The following WIPF2 variants were observed in gnomAD, a reference collection of about 807,000 sequenced individuals.
The protein encoded by WIPF2 is WAS/WASL interacting protein family member 2, also known as WAS/WASL-interacting protein family member 2.
A neutral mutation model predicts 38.8 loss-of-function variants in WIPF2; 23 were observed. That is an observed-to-expected ratio of 0.59 (90% CI 0.43 to 0.84). The LOEUF is 0.84. WIPF2 is among the 40% of genes least tolerant of loss of function. The pLI is 0.00. For missense variants in WIPF2, 574 were observed against 580.5 expected, an observed-to-expected ratio of 0.99 and a Z score of 0.11; for synonymous variants, 210 against 223.2, an observed-to-expected ratio of 0.94 and a Z score of 0.53.
intron 1 of WIPF2, among the ~76,000 whole-genome samples, chr17:40,240,887 G>C (rs2031166010): frequency 6.6e-6 from 1 of 150,406 alleles, no homozygotes. Context: ...GGAGCTTGCA[G>C]TGAGCCGAGA....
chr17:40,255,972 T>G (rs548606358), intron 1 of WIPF2, among the ~76,000 whole-genome samples: 2 of 151,758 alleles, frequency 1.3e-5, no homozygotes, highest in Non-Finnish European at 2.9e-5. Flanking sequence ...TGCATGCTTG[T>G]AGTCCCAGCT....
In WIPF2 at chr17:40,279,301, GGACTTTTAAGTCCT is replaced by G. The variant is rs2032495055; in HGVS notation, c.*1078_*1091del. On this transcript the variant is annotated 3_prime_UTR_variant, in exon 8 of 8. Coordinates refer to ENST00000323571, the MANE Select transcript of WIPF2 (RefSeq NM_133264.5). ...GGAGCTGGCTTTGTGGGGCTGCAAA[GGACTTTTAAGTCCT>G]GCCTGTACTGAAGTTCACAGCCCAC... 6.6e-6 allele frequency: 1 copy of G among 152,612 alleles called. No homozygotes were observed. Among genetic ancestry groups the G allele is most frequent in the South Asian group, 2.1e-4 (1 of 4,830 alleles). The allele number at this position is 152,612 out of a possible 1,614,324, so 9.5% of individuals were successfully genotyped here. A position where few individuals can be genotyped will look rare whatever the true frequency, so the allele number is the denominator to read the frequency against.
At chr17:40,243,317 TA>T (rs993441306) in intron 1 of WIPF2, among the ~76,000 whole-genome samples, 64 of 152,050 alleles carry the variant, frequency 4.2e-4, no homozygotes, top group Admixed American at 2.1e-3. Context: ...TGACTGGCTT[TA>T]AAAAAAATCT....
intron 5 of WIPF2, among the ~76,000 whole-genome samples, chr17:40,271,278 G>C (rs2032242444): frequency 1.3e-5 from 2 of 152,200 alleles, no homozygotes; most frequent in Admixed American, 1.3e-4. Flanking sequence ...GCCTAGCCAA[G>C]ATACCGTTTT....
intron 1 of WIPF2, 122 bp from the exon 2 acceptor site, chr17:40,256,269 C>T: frequency 1.4e-6 from 1 of 718,460 alleles, no homozygotes; most frequent in Non-Finnish European, 2.2e-6. Flanking sequence ...GACTGTATCA[C>T]AGTGGAACTA....
chr17:40,259,436 TAAA>T (rs879789712), intron 2 of WIPF2, among the ~76,000 whole-genome samples: 1 of 132,528 alleles, frequency 7.5e-6, no homozygotes, highest in Non-Finnish European at 1.6e-5. Flanking sequence ...GACTCTGTCT[TAAA>T]AAAAAAAAAA....
chr17:40,238,716 C>G (rs920984441), intron 1 of WIPF2, among the ~76,000 whole-genome samples: 1 of 151,910 alleles, frequency 6.6e-6, no homozygotes, highest in Non-Finnish European at 1.5e-5. Context: ...CGGGTTCAAG[C>G]GATTCTCCTG....
intron 5 of WIPF2, among the ~76,000 whole-genome samples, chr17:40,267,097 G>A (rs4480862): frequency 6.6e-6 from 1 of 152,172 alleles, no homozygotes; most frequent in Non-Finnish European, 1.5e-5. Context: ...GGGTGGACTA[G>A]GGAAGTGTGC....
chr17:40,227,784 C>T lies in WIPF2; in HGVS notation c.-70+8292C>T, dbSNP rs554127812. Among the ~76,000 whole-genome samples the T allele has an allele frequency of 9.2e-5, 14 of 151,848 alleles. No individual in the cohort carries two copies. The South Asian group carries it at 1.9e-3, about 20-fold the overall frequency. On this transcript the variant is annotated intron_variant, in intron 1 of 7. Coordinates refer to ENST00000323571, the MANE Select transcript of WIPF2 (RefSeq NM_133264.5). ...ACAAGAATCACTTGAACCTGGGAGG[C>T]GGAATGGTGAGCTAAAATTGTGCCA...
At position 40,220,571 on chromosome 17, in the gene WIPF2, GTGTATATATATATATATATATATATATA is replaced by G. The variant is rs1305155684; in HGVS notation, c.-70+1081_-70+1108del. On this transcript the variant is annotated intron_variant, in intron 1 of 7. Coordinates refer to ENST00000323571, the MANE Select transcript of WIPF2 (RefSeq NM_133264.5). ...CACTACTCCCGCCTAACGTGTGTGT[GTGTATATATATATATATATATATATATA>G]TATATATATATATATATATGTATAT... is the stretch of plus-strand genomic sequence containing the variant. The G allele has an allele frequency of 2.4e-3, 208 of 85,636 alleles. 1 individual carries two copies. The highest frequency in any genetic ancestry group is 9.3e-3 in the African/African-American group (186 of 19,902). 5.3% of individuals were successfully genotyped at this position (85,636 alleles called of 1,614,324 possible).
chr17:40,264,385 C>A, intron 4 of WIPF2, 105 bp from the exon 5 acceptor site: 8 of 730,406 alleles, frequency 1.1e-5, no homozygotes, highest in Non-Finnish European at 1.9e-5. Context: ...TATTCAATTC[C>A]TTTCCCTGCT....
intron 3 of WIPF2, chr17:40,260,886 C>T: frequency 1.7e-6 from 1 of 605,702 alleles, no homozygotes; most frequent in Non-Finnish European, 2.9e-6. Flanking sequence ...GGCATGGTGG[C>T]TCATGCCTGT....
chr17:40,263,818 C>G (rs1347176265), intron 4 of WIPF2, among the ~76,000 whole-genome samples: 4 of 151,582 alleles, frequency 2.6e-5, no homozygotes. Context: ...GCTGGGATTA[C>G]AGGCATGAGC....
At chr17:40,220,625 A>ACG in intron 1 of WIPF2, 1 of 125,102 alleles carries the variant, frequency 8.0e-6, no homozygotes, top group Non-Finnish European at 1.6e-5. Context: ...ATATGTATAT[A>ACG]TATATATTTT....
chr17:40,219,394 G>A lies in WIPF2; in HGVS notation c.-168G>A, dbSNP rs535395784. The A allele has an allele frequency of 5.3e-5, 22 of 416,568 alleles. No individual in the cohort carries two copies. Among genetic ancestry groups the A allele is most frequent in the African/African-American group, 6.8e-5 (3 of 44,404 alleles). The allele number at this position is 416,568 out of a possible 1,614,324, so 25.8% of individuals were successfully genotyped here. ...GGCGGCGGCGGCGGCGGCGGCGGCG[G>A]CGGCGACGGCGAGAAAGAGCTTGCC... On this transcript the variant is annotated 5_prime_UTR_variant, in exon 1 of 8. Transcript: ENST00000323571.
In WIPF2 at chr17:40,219,394, G is replaced by GCGT. The variant is rs1555557766; in HGVS notation, c.-166_-165insTCG. ...GGCGGCGGCGGCGGCGGCGGCGGCG[G>GCGT]CGGCGACGGCGAGAAAGAGCTTGCC... On this transcript the variant is annotated 5_prime_UTR_variant, in exon 1 of 8. Transcript: ENST00000323571. 97 of 416,578 alleles carry GCGT rather than the reference G, an allele frequency of 2.3e-4. No individual in the cohort carries two copies. The highest frequency in any genetic ancestry group is 3.8e-4 in the Admixed American group (10 of 26,546). 25.8% of individuals were successfully genotyped at this position (416,578 alleles called of 1,614,324 possible).
chr17:40,247,365 C>T (rs1005721568), intron 1 of WIPF2, among the ~76,000 whole-genome samples: 2 of 150,000 alleles, frequency 1.3e-5, no homozygotes, highest in Admixed American at 6.7e-5. Context: ...ATTACAGGTG[C>T]GTGCCACCAA....
chr17:40,244,572 A>G (rs1400995805), intron 1 of WIPF2, among the ~76,000 whole-genome samples: 2 of 152,120 alleles, frequency 1.3e-5, no homozygotes, highest in African/African-American at 4.8e-5. Flanking sequence ...TAATGAGATA[A>G]CCGATCGAAC....
At chr17:40,250,126 T>A (rs935844190) in intron 1 of WIPF2, among the ~76,000 whole-genome samples, 1 of 150,010 alleles carries the variant, frequency 6.7e-6, no homozygotes, top group African/African-American at 2.5e-5. Context: ...GCCACCCTGC[T>A]GGACCGGACA....
Sources: gnomAD v4.1 joint callset for allele counts (sites outside exome capture counted in the v4.1 genomes callset) on GRCh38, gnomAD v4.1.1 for gene constraint, MANE v1.5 for transcripts, NCBI Gene and HGNC (gene_info 2026-07-23, HGNC 2026-07-21) for gene names.